Variants in SFSWAP observed in about 807,000 individuals in gnomAD.
The protein encoded by SFSWAP is splicing factor SWAP, also known as splicing factor, suppressor of white-apricot homolog.
In SFSWAP, 17 loss-of-function variants were observed where a neutral mutation model predicts 100.7. The ratio of observed to expected loss-of-function variants is 0.17; its 90% confidence interval spans 0.12 to 0.25. The LOEUF is 0.25. Among genes scored for constraint, SFSWAP ranks in the 10% least tolerant of loss-of-function variants. The probability of loss-of-function intolerance (pLI) is 1.00; values close to 1 mark genes in which losing one functional copy is unlikely to be tolerated. For missense variants in SFSWAP, 1,005 were observed against 1,262.6 expected (o/e 0.80, Z 3.09); for synonymous variants, 504 against 510.1 (o/e 0.99, Z 0.16).
At chr12:131,726,041 C>T (rs1878933850) in intron 5 of SFSWAP, among the ~76,000 whole-genome samples, 1 of 152,060 alleles carries the variant, frequency 6.6e-6, no homozygotes, top group Non-Finnish European at 1.5e-5. Flanking sequence ...GAAAATTTTA[C>T]TTGGATTATC....
Position 131,797,229 on chromosome 12 carries a change from C to T in SFSWAP, c.2586C>T (p.Ser862=). The T allele has an allele frequency of 6.2e-7, 1 of 1,612,450 alleles. No homozygotes were observed. The highest frequency in any genetic ancestry group is 8.5e-7 in the Non-Finnish European group (1 of 1,179,870). The change falls in exon 16 of 18, where the codon TCC becomes TCT. Residue 862 remains serine, a synonymous_variant. Transcript: ENST00000261674. The part of the protein sequence containing the change: ...KKRRSRSRTK[S]KARSQSVSPS... Reference sequence around the variant, plus strand: ...GGCGGTCCCGGTCGCGGACCAAGTCCAAGGCCAGGTCTCAGTCGGTGTCAC... The same window carrying T: ...GGCGGTCCCGGTCGCGGACCAAGTCTAAGGCCAGGTCTCAGTCGGTGTCAC...
rs1447563308 is a variant in SFSWAP, at chr12:131,753,084, G to A, written c.1082-39G>A. 3.7e-6 allele frequency: 6 copies of A among 1,609,524 alleles called. No homozygotes were observed. The Middle Eastern group carries it at 9.9e-4, about 267-fold the overall frequency. On this transcript the variant is annotated intron_variant, in intron 7 of 17. Coordinates refer to ENST00000261674, the MANE Select transcript of SFSWAP (RefSeq NM_004592.4). Reference sequence around the variant, plus strand: ...ATTGTGGACTCATGGACCAGCCTGTGGCCGGCCATGCTCACTCCGGGGCAA... The same window carrying A: ...ATTGTGGACTCATGGACCAGCCTGTAGCCGGCCATGCTCACTCCGGGGCAA...
chr12:131,731,116 A>G (rs1017500362), intron 7 of SFSWAP, among the ~76,000 whole-genome samples: 1 of 152,172 alleles, frequency 6.6e-6, no homozygotes, highest in Non-Finnish European at 1.5e-5. Flanking sequence ...AGTTTCCAAG[A>G]AGAGCCAAGA....
intron 7 of SFSWAP, among the ~76,000 whole-genome samples, chr12:131,742,566 C>T (rs1880744683): frequency 6.6e-6 from 1 of 151,696 alleles, no homozygotes; most frequent in African/African-American, 2.4e-5. Context: ...TGCATCACTA[C>T]AGAAATCATT....
intron 3 of SFSWAP, among the ~76,000 whole-genome samples, chr12:131,717,554 G>T (rs374679776): frequency 1.3e-5 from 2 of 152,184 alleles, no homozygotes; most frequent in South Asian, 4.1e-4. Context: ...GTAAATAAAG[G>T]TATATATAAG....
intron 7 of SFSWAP, among the ~76,000 whole-genome samples, chr12:131,741,058 C>T (rs1172497629): frequency 1.4e-5 from 2 of 147,002 alleles, no homozygotes; most frequent in Non-Finnish European, 3.0e-5. Context: ...CTGCAACCTC[C>T]ACCTCCTGGG....
At chr12:131,768,347 T>G (rs1371833934) in intron 13 of SFSWAP, among the ~76,000 whole-genome samples, 1 of 152,228 alleles carries the variant, frequency 6.6e-6, no homozygotes, top group Non-Finnish European at 1.5e-5. Flanking sequence ...GGGCCATTAT[T>G]GAAAACTGAT....
intron 7 of SFSWAP, among the ~76,000 whole-genome samples, chr12:131,745,264 T>G (rs757649897): frequency 1.3e-5 from 2 of 152,254 alleles, no homozygotes; most frequent in Non-Finnish European, 2.9e-5. Flanking sequence ...ATTTATGTTA[T>G]AGAGAGCTAG....
chr12:131,785,289 A>AC, intron 14 of SFSWAP: 1 of 1,471,784 alleles, frequency 6.8e-7, no homozygotes, highest in African/African-American at 1.4e-5. Context: ...GTCTGGGAAA[A>AC]AATCAAAACG....
intron 7 of SFSWAP, among the ~76,000 whole-genome samples, chr12:131,735,378 A>G (rs1879911513): frequency 6.6e-6 from 1 of 152,148 alleles, no homozygotes; most frequent in Admixed American, 6.5e-5. Context: ...TTAGGGTATT[A>G]ATTTAAATAA....
At chr12:131,786,659 G>C in intron 15 of SFSWAP, 71 bp downstream of exon 15, 1 of 1,495,956 alleles carries the variant, frequency 6.7e-7, no homozygotes, top group Non-Finnish European at 9.0e-7. Flanking sequence ...GGCGTCTGAA[G>C]GTCGGGTATC....
intron 14 of SFSWAP, among the ~76,000 whole-genome samples, chr12:131,781,236 T>TA (rs35624931): frequency 0.55 from 60,935 of 110,002 alleles, 14,648 homozygotes; most frequent in East Asian, 0.64. Flanking sequence ...ATCTTATTAT[T>TA]TTTTTTTTTT....
intron 11 of SFSWAP, among the ~76,000 whole-genome samples, chr12:131,763,138 T>C (rs540646637): frequency 1.2e-4 from 19 of 152,328 alleles, no homozygotes; most frequent in Admixed American, 8.5e-4. Context: ...TATCACATGC[T>C]TAACTGTCTA....
chr12:131,777,606 G>A (rs987185336), intron 13 of SFSWAP, among the ~76,000 whole-genome samples: 2 of 152,160 alleles, frequency 1.3e-5, no homozygotes, highest in East Asian at 1.9e-4. Flanking sequence ...ATAAACATAC[G>A]TGTGCATGTG....
In SFSWAP at chr12:131,794,797, A is replaced by AG. The variant is rs1450196066; in HGVS notation, c.2535-2381_2535-2380insG. On this transcript the variant is annotated intron_variant, in intron 15 of 17. Coordinates refer to ENST00000261674, the MANE Select transcript of SFSWAP (RefSeq NM_004592.4). This position sits in a 1 kb window ranked among gnomAD's most constrained non-coding sequence, Gnocchi z 4.8. ...AGCACCGAGGACAGCGTTTCACCCA[A>AG]TGGACAGTGGCACCTCGGTGCTTTA... 1.1e-4 allele frequency among the ~76,000 whole-genome samples: 17 copies of AG among 152,022 alleles called. No individual in the cohort carries two copies. Among genetic ancestry groups the AG allele is most frequent in the African/African-American group, 4.1e-4 (17 of 41,320 alleles).
chr12:131,751,481 C>G (rs879729194), intron 7 of SFSWAP, among the ~76,000 whole-genome samples: 5 of 152,222 alleles, frequency 3.3e-5, no homozygotes, highest in African/African-American at 7.2e-5. Flanking sequence ...CTCCCCAGAG[C>G]TAAGCACACA....
At chr12:131,767,659 A>G (rs1185619577) in intron 13 of SFSWAP, among the ~76,000 whole-genome samples, 1 of 152,246 alleles carries the variant, frequency 6.6e-6, no homozygotes, top group African/African-American at 2.4e-5. Context: ...TTATTTCAAG[A>G]ACACTTAAAA....
intron 13 of SFSWAP, among the ~76,000 whole-genome samples, chr12:131,775,398 T>C (rs1246250140): frequency 1.3e-5 from 2 of 152,208 alleles, no homozygotes; most frequent in South Asian, 2.1e-4. Context: ...AGGTTCCCAA[T>C]GGCGTCTTTC....
intron 14 of SFSWAP, chr12:131,783,845 C>G (rs1884702587): frequency 8.5e-6 from 1 of 117,936 alleles, no homozygotes. Flanking sequence ...AATTAGCTCC[C>G]TAAATACTTG....
Sources: gnomAD v4.1 joint callset for allele counts (sites outside exome capture counted in the v4.1 genomes callset) on GRCh38, gnomAD v4.1.1 for gene constraint, Gnocchi (gnomAD v3.1) non-coding constraint, MANE v1.5 for transcripts, NCBI Gene and HGNC (gene_info 2026-07-23, HGNC 2026-07-21) for gene names.